AOAH: variants seen among roughly 807,000 people sequenced by gnomAD.
AOAH encodes acyloxyacyl hydrolase.
AOAH carries 64 observed loss-of-function variants against 92.2 expected under a neutral mutation model. The ratio of observed to expected loss-of-function variants is 0.69; its 90% confidence interval spans 0.57 to 0.86. AOAH has a LOEUF of 0.86. Among genes scored for constraint, AOAH ranks in the 40% least tolerant of loss-of-function variants. AOAH has a pLI of 0.00. For missense variants in AOAH, 656 were observed against 694.6 expected (o/e 0.94, Z 0.62); for synonymous variants, 263 against 254.5 (o/e 1.03, Z -0.32).
At chr7:36,723,278 T>G (rs17170682) in intron 1 of AOAH, among the ~76,000 whole-genome samples, 3 of 152,012 alleles carry the variant, frequency 2.0e-5, no homozygotes, top group African/African-American at 7.3e-5. Context: ...AGAATTCCCA[T>G]GTTATGAGAG....
Position 36,723,984 on chromosome 7 carries a change from T to C in AOAH, c.127+38A>G, listed in dbSNP as rs372139151. 10 of 1,600,882 alleles carry C rather than the reference T, an allele frequency of 6.2e-6. No individual in the cohort carries two copies. The African/African-American group carries it at 6.7e-5, about 11-fold the overall frequency. ...AGCAAAGTACTGGATCCCATTGTTATGTCTACATAGAAAATACAAAAATAT... is the reference window on the plus strand; with the variant it reads ...AGCAAAGTACTGGATCCCATTGTTACGTCTACATAGAAAATACAAAAATAT... On this transcript the variant is annotated intron_variant, in intron 1 of 20. Coordinates refer to ENST00000617537, the MANE Select transcript of AOAH (RefSeq NM_001637.4).
intron 7 of AOAH, 45 bp from the exon 8 acceptor site, chr7:36,621,825 T>G: frequency 6.4e-7 from 1 of 1,568,152 alleles, no homozygotes; most frequent in Non-Finnish European, 8.8e-7. Flanking sequence ...CCTGCTTTGA[T>G]GTTATCCACG....
At chr7:36,671,728 G>C (rs186614044) in intron 3 of AOAH, among the ~76,000 whole-genome samples, 10 of 152,050 alleles carry the variant, frequency 6.6e-5, no homozygotes. Flanking sequence ...TAGAGGTAGG[G>C]GGTAGAGGTT....
intron 2 of AOAH, among the ~76,000 whole-genome samples, chr7:36,675,181 G>A (rs969189259): frequency 8.5e-5 from 13 of 152,266 alleles, no homozygotes; most frequent in East Asian, 1.9e-4. Context: ...GCTTGAACCC[G>A]GGAGGTGGAG....
intron 11 of AOAH, among the ~76,000 whole-genome samples, chr7:36,608,659 C>T (rs1005720749): frequency 6.6e-6 from 1 of 152,078 alleles, no homozygotes; most frequent in Non-Finnish European, 1.5e-5. Flanking sequence ...GAGTCAATGT[C>T]CGAGACTATT....
At chr7:36,515,319 T>G (rs1276039946) in intron 20 of AOAH, among the ~76,000 whole-genome samples, 1 of 42,776 alleles carries the variant, frequency 2.3e-5, no homozygotes, top group Non-Finnish European at 4.3e-5. Flanking sequence ...CCCACACCCC[T>G]CACAACCCCA....
chr7:36,577,723 A>G (rs1448217018), intron 12 of AOAH, among the ~76,000 whole-genome samples: 1 of 152,238 alleles, frequency 6.6e-6, no homozygotes, highest in Admixed American at 6.5e-5. Flanking sequence ...ATGTAATTAA[A>G]TGTTATGTTC....
chr7:36,714,389 A>C (rs572108143), intron 1 of AOAH, among the ~76,000 whole-genome samples: 28 of 152,360 alleles, frequency 1.8e-4, no homozygotes, highest in African/African-American at 6.7e-4. Context: ...GCCGAATTCT[A>C]CCAGAGGTAC....
rs193060206 is a variant in AOAH, at chr7:36,619,443, T to C, written c.703-1098A>G. The stretch of plus-strand genomic sequence containing the variant: ...CCTTATATGGGTGACACACCATATC[T>C]GAGGCCTGGGTGGGACCATGGAACG... On this transcript the variant is annotated intron_variant, in intron 9 of 20. Transcript: ENST00000617537. Among the ~76,000 whole-genome samples the C allele has an allele frequency of 6.6e-4, 101 of 152,298 alleles. 1 individual carries two copies. In the South Asian group the frequency reaches 7.9e-3, roughly 12 times the overall value.
chr7:36,556,486 G>A (rs1398374531), intron 13 of AOAH, among the ~76,000 whole-genome samples: 1 of 152,068 alleles, frequency 6.6e-6, no homozygotes, highest in Non-Finnish European at 1.5e-5. Flanking sequence ...GAGTTCTGTA[G>A]ATGTTTATTA....
intron 16 of AOAH, among the ~76,000 whole-genome samples, chr7:36,537,463 A>C (rs1583761340): frequency 1.4e-5 from 2 of 145,780 alleles, no homozygotes; most frequent in Admixed American, 6.8e-5. Flanking sequence ...TGTTTAGCAA[A>C]CCCCCTGGCC....
intron 5 of AOAH, among the ~76,000 whole-genome samples, chr7:36,633,859 C>T (rs548329472): frequency 6.6e-6 from 1 of 152,160 alleles, no homozygotes; most frequent in Non-Finnish European, 1.5e-5. Flanking sequence ...GATAATAATT[C>T]AGTCTTTGCT....
At chr7:36,619,636 T>A (rs1487918638) in intron 9 of AOAH, among the ~76,000 whole-genome samples, 1 of 151,976 alleles carries the variant, frequency 6.6e-6, no homozygotes, top group East Asian at 1.9e-4. Context: ...ATAGGGTAGG[T>A]GGTGTGGGCT....
chr7:36,565,318 C>T (rs141005520), intron 13 of AOAH, among the ~76,000 whole-genome samples: 10 of 152,146 alleles, frequency 6.6e-5, no homozygotes, highest in African/African-American at 2.2e-4. Context: ...TGGGTTGAAA[C>T]CAAATACTCA....
intron 14 of AOAH, among the ~76,000 whole-genome samples, 197 bp downstream of exon 14, chr7:36,549,242 A>G (rs1786017048): frequency 6.6e-6 from 1 of 152,202 alleles, no homozygotes; most frequent in South Asian, 2.1e-4. Context: ...ATGCATTTTT[A>G]TCACCCTTCT....
intron 13 of AOAH, among the ~76,000 whole-genome samples, chr7:36,574,051 A>G (rs1038017504): frequency 1.3e-5 from 2 of 152,196 alleles, no homozygotes; most frequent in Admixed American, 1.3e-4. Context: ...TATCAAAAGA[A>G]AGTCCATAGC....
In AOAH at chr7:36,585,772, C is replaced by G. The variant is rs540680024; in HGVS notation, c.938+8567G>C. ...TTCTTCATGTACAAATGAAAATACA[C>G]AGAAAGGGCCTGGATGGAATCACAC... On this transcript the variant is annotated intron_variant, in intron 12 of 20. Transcript: ENST00000617537. Among the ~76,000 whole-genome samples, 89 of 152,256 alleles carry G rather than the reference C, an allele frequency of 5.8e-4. 1 individual carries two copies. Among genetic ancestry groups the G allele is most frequent in the African/African-American group, 2.0e-3 (84 of 41,550 alleles).
rs141125862 is a variant in AOAH at position 36,619,170 on chromosome 7, A to G, written c.703-825T>C. ...CCCCATGCCCATTAAAACATGAAAG[A>G]ACCTATTAACATCACACTCAACCCT... On this transcript the variant is annotated intron_variant, in intron 9 of 20. Transcript: ENST00000617537. Among the ~76,000 whole-genome samples the G allele has an allele frequency of 6.2e-3, 942 of 152,300 alleles. 8 individuals carry two copies. The highest frequency in any genetic ancestry group is 0.041 in the Middle Eastern group (12 of 294).
At chr7:36,686,631 G>C (rs923108576) in intron 2 of AOAH, 68 bp downstream of exon 2, 8 of 808,980 alleles carry the variant, frequency 9.9e-6, no homozygotes, top group Non-Finnish European at 1.5e-5. Flanking sequence ...GGAAGTAAAG[G>C]CAGTCATCAT....
Sources: allele counts gnomAD v4.1 joint callset (sites outside exome capture counted in the v4.1 genomes callset), GRCh38; gene constraint gnomAD v4.1.1; transcripts MANE v1.5; gene names NCBI Gene and HGNC (gene_info 2026-07-23, HGNC 2026-07-21).